Variants in CNTN4 observed in about 807,000 individuals in gnomAD.
The protein encoded by CNTN4 is contactin-4.
Under a neutral mutation model 122.5 loss-of-function variants are expected in CNTN4, and 77 were observed. The ratio of observed to expected loss-of-function variants is 0.63; its 90% CI spans 0.52 to 0.76. CNTN4 has a LOEUF of 0.76. CNTN4 is among the 30% of genes least tolerant of loss of function. CNTN4 has a pLI of 0.00. For synonymous variants in CNTN4, 512 were observed against 447.0 expected, an observed-to-expected ratio of 1.15 and a Z score of -1.83; for missense variants, 1,256 against 1,259.1, an observed-to-expected ratio of 1.00 and a Z score of 0.04.
chr3:2,657,079 G>A (rs1458578783), intron 4 of CNTN4, among the ~76,000 whole-genome samples: 11 of 152,202 alleles, frequency 7.2e-5, no homozygotes. Flanking sequence ...AACTGTTACA[G>A]CTTGGAAAAC....
At chr3:2,676,969 C>A (rs894168602) in intron 4 of CNTN4, among the ~76,000 whole-genome samples, 2 of 152,060 alleles carry the variant, frequency 1.3e-5, no homozygotes, top group Non-Finnish European at 2.9e-5. Context: ...TAAATGAAAT[C>A]TTCAGAGCCT....
At chr3:2,686,913 A>G (rs915990704) in intron 4 of CNTN4, among the ~76,000 whole-genome samples, 1 of 152,182 alleles carries the variant, frequency 6.6e-6, no homozygotes, top group Non-Finnish European at 1.5e-5. Flanking sequence ...CCAAAAAGTG[A>G]TGGTGTCCAA....
intron 4 of CNTN4, among the ~76,000 whole-genome samples, chr3:2,727,541 G>C (rs1202990857): frequency 6.6e-6 from 1 of 152,180 alleles, no homozygotes; most frequent in African/African-American, 2.4e-5. Context: ...GTCAGAGTAG[G>C]ATACATTGAT....
rs56398439 is a variant in CNTN4 at position 2,864,740 on chromosome 3, C to CAA, written c.455-1998_455-1997dup. Among the ~76,000 whole-genome samples the CAA allele has an allele frequency of 8.0e-4, 44 of 54,710 alleles. 8 individuals carry two copies. In the East Asian group the frequency reaches 0.018, roughly 23 times the overall value. The allele number at this position is 54,710 out of a possible 152,430, so 35.9% of individuals were successfully genotyped here. Reference sequence around the variant, plus strand: ...GGCAACAAAAAGCAAAACTCCATCTCAAAAAAAAAAAAAAAGTTTCCGGTA... The same window carrying CAA: ...GGCAACAAAAAGCAAAACTCCATCTCAAAAAAAAAAAAAAAAAGTTTCCGGTA... On this transcript the variant is annotated intron_variant, in intron 7 of 24. Coordinates refer to ENST00000418658, the MANE Select transcript of CNTN4 (RefSeq NM_175607.3).
chr3:2,862,299 A>G (rs10510239), intron 7 of CNTN4, among the ~76,000 whole-genome samples: 32,218 of 152,186 alleles, frequency 0.21, 4,023 homozygotes, highest in East Asian at 0.65. Flanking sequence ...AATCTGTTCA[A>G]TGAGTACCTG....
chr3:2,574,197 C>G lies in CNTN4; in HGVS notation c.55+2639C>G, dbSNP rs191495006. Among the ~76,000 whole-genome samples, 47 of 152,282 alleles carry G rather than the reference C, an allele frequency of 3.1e-4. No individual in the cohort carries two copies. In the Middle Eastern group the frequency reaches 0.017, roughly 55 times the overall value. ...CGCCACTGCACTCCAGCCTGGGCAACAAGAGTGAAACTCCATCTCACCAAA... is the reference window on the plus strand; with the variant it reads ...CGCCACTGCACTCCAGCCTGGGCAAGAAGAGTGAAACTCCATCTCACCAAA... On this transcript the variant is annotated intron_variant, in intron 4 of 24. Coordinates refer to ENST00000418658, the MANE Select transcript of CNTN4 (RefSeq NM_175607.3).
At chr3:2,357,924 T>G (rs1485026871) in intron 3 of CNTN4, among the ~76,000 whole-genome samples, 1 of 152,222 alleles carries the variant, frequency 6.6e-6, no homozygotes, top group East Asian at 1.9e-4. Context: ...TACATCCTAT[T>G]TCATTTAGAA....
chr3:2,549,131 T>C lies in CNTN4; in HGVS notation c.-88-22285T>C, dbSNP rs546355656. ...CATGTCGGGTTTTCTAAATATACAA[T>C]CATGTCATCTGCAAACAGAGACAAT... is the stretch of plus-strand genomic sequence containing the variant. On this transcript the variant is annotated intron_variant, in intron 3 of 24. Transcript: ENST00000418658. 1.1e-3 allele frequency among the ~76,000 whole-genome samples: 165 copies of C among 152,240 alleles called. 1 individual carries two copies. Among genetic ancestry groups the C allele is most frequent in the Non-Finnish European group, 1.8e-3 (124 of 68,014 alleles).
chr3:2,212,197 A>G (rs1050457716), intron 2 of CNTN4, among the ~76,000 whole-genome samples: 1 of 151,360 alleles, frequency 6.6e-6, no homozygotes. Context: ...CTGATCTCAA[A>G]CTCCTAACCT....
chr3:2,347,410 CTTTT>C (rs10664705), intron 3 of CNTN4, among the ~76,000 whole-genome samples: 1 of 113,162 alleles, frequency 8.8e-6, no homozygotes, highest in Non-Finnish European at 1.7e-5. Context: ...GAAATACAAT[CTTTT>C]TTTTTTTTTT....
intron 4 of CNTN4, among the ~76,000 whole-genome samples, chr3:2,730,454 T>A (rs2149455243): frequency 6.9e-6 from 1 of 144,034 alleles, no homozygotes; most frequent in South Asian, 2.2e-4. Flanking sequence ...ATAATTATTT[T>A]AGGTATAGTT....
chr3:2,885,451 T>C (rs982474659), intron 9 of CNTN4, among the ~76,000 whole-genome samples: 1 of 152,184 alleles, frequency 6.6e-6, no homozygotes, highest in African/African-American at 2.4e-5. Context: ...AGGTTCTCAA[T>C]ATATAAATGA....
intron 2 of CNTN4, among the ~76,000 whole-genome samples, chr3:2,222,442 G>A (rs2039097220): frequency 6.6e-6 from 1 of 152,066 alleles, no homozygotes; most frequent in Non-Finnish European, 1.5e-5. Context: ...AAATGTATGT[G>A]GGCTGATTTT....
At chr3:2,372,716 T>C (rs187843219) in intron 3 of CNTN4, among the ~76,000 whole-genome samples, 1 of 151,858 alleles carries the variant, frequency 6.6e-6, no homozygotes, top group African/African-American at 2.4e-5. Context: ...TGAGTGAGAG[T>C]CAGAAGATGT....
At chr3:2,801,452 G>A (rs2092344766) in intron 6 of CNTN4, among the ~76,000 whole-genome samples, 1 of 152,168 alleles carries the variant, frequency 6.6e-6, no homozygotes, top group Admixed American at 6.5e-5. Flanking sequence ...GCTGAACCAG[G>A]TTGTTGAATC....
At chr3:2,661,845 C>A in intron 4 of CNTN4, among the ~76,000 whole-genome samples, 1 of 149,992 alleles carries the variant, frequency 6.7e-6, no homozygotes, top group South Asian at 2.1e-4. Context: ...CCTGCATCAT[C>A]CTGATGATGT....
chr3:2,947,435 G>A (rs2094690595), intron 13 of CNTN4, among the ~76,000 whole-genome samples: 1 of 152,108 alleles, frequency 6.6e-6, no homozygotes, highest in African/African-American at 2.4e-5. Flanking sequence ...TGTTACCAAT[G>A]ATCATTCAGA....
intron 6 of CNTN4, among the ~76,000 whole-genome samples, chr3:2,778,873 T>A (rs891449347): frequency 5.3e-5 from 8 of 152,210 alleles, no homozygotes; most frequent in Admixed American, 2.0e-4. Context: ...AAGATTATAC[T>A]GTTAAGGACT....
chr3:2,969,334 T>C (rs1233476278), intron 13 of CNTN4, among the ~76,000 whole-genome samples: 1 of 152,142 alleles, frequency 6.6e-6, no homozygotes, highest in African/African-American at 2.4e-5. Flanking sequence ...TTTATCCTGA[T>C]TGGTCTAGGC....
Sources: gnomAD v4.1 joint callset for allele counts (sites outside exome capture counted in the v4.1 genomes callset) on GRCh38, gnomAD v4.1.1 for gene constraint, MANE v1.5 for transcripts, NCBI Gene and HGNC (gene_info 2026-07-23, HGNC 2026-07-21) for gene names.